IL1RAPL2: variants seen among roughly 807,000 people sequenced by gnomAD.
IL1RAPL2 encodes the protein interleukin 1 receptor accessory protein like 2.
Under a neutral mutation model 44.1 loss-of-function variants are expected in IL1RAPL2, and 3 were observed. The ratio of observed to expected loss-of-function variants is 0.07; its 90% CI spans 0.03 to 0.18. The LOEUF (loss-of-function observed/expected upper bound fraction) is 0.18. IL1RAPL2 is among the 10% of genes least tolerant of loss of function. The pLI, the probability that IL1RAPL2 is intolerant of heterozygous loss-of-function variation, is 1.00. For synonymous variants in IL1RAPL2, 181 were observed against 178.8 expected (o/e 1.01, Z -0.10); for missense variants, 391 against 496.4 (o/e 0.79, Z 2.02).
At chrX:104,721,729 C>A (rs1931680270) in intron 2 of IL1RAPL2, among the ~76,000 whole-genome samples, 1 of 110,864 alleles carries the variant, frequency 9.0e-6, no homozygotes, top group Admixed American at 9.6e-5. Flanking sequence ...AATAGAATAC[C>A]TATACAAAGA....
At chrX:105,660,651 GT>G (rs1184826383) in intron 6 of IL1RAPL2, among the ~76,000 whole-genome samples, 2 of 111,583 alleles carry the variant, frequency 1.8e-5, no homozygotes, top group African/African-American at 6.5e-5. Flanking sequence ...AAAGTGTAGA[GT>G]TTTTAGTAGT....
At chrX:104,716,492 A>G (rs1931568991) in intron 2 of IL1RAPL2, among the ~76,000 whole-genome samples, 1 of 111,667 alleles carries the variant, frequency 9.0e-6, no homozygotes, top group South Asian at 3.7e-4. Context: ...GTAAACAGAT[A>G]ATCTATGGAA....
At chrX:105,656,827 CAAG>C (rs2037680820) in intron 6 of IL1RAPL2, among the ~76,000 whole-genome samples, 1 of 111,991 alleles carries the variant, frequency 8.9e-6, no homozygotes, top group Non-Finnish European at 1.9e-5. Context: ...TTTAGCTGCA[CAAG>C]AAGCACATAT....
chrX:105,443,523 G>A (rs1472945122), intron 5 of IL1RAPL2, among the ~76,000 whole-genome samples: 1 of 111,195 alleles, frequency 9.0e-6, no homozygotes, highest in East Asian at 2.8e-4. Context: ...CTAGCCTCTC[G>A]TAACCATACT....
chrX:105,537,591 A>G (rs1390210587), intron 6 of IL1RAPL2, among the ~76,000 whole-genome samples: 2 of 111,995 alleles, frequency 1.8e-5, no homozygotes, highest in Non-Finnish European at 3.8e-5. Context: ...TGAACATTCA[A>G]TCAATACTGC....
chrX:105,351,084 C>T (rs896052517), intron 5 of IL1RAPL2, among the ~76,000 whole-genome samples: 7 of 111,783 alleles, frequency 6.3e-5, no homozygotes, highest in Admixed American at 2.9e-4. Flanking sequence ...TACCATCCCA[C>T]GCCAGTTAGA....
At chrX:105,456,707 A>G (rs2147764429) in intron 5 of IL1RAPL2, among the ~76,000 whole-genome samples, 1 of 110,871 alleles carries the variant, frequency 9.0e-6, no homozygotes, top group East Asian at 2.8e-4. Context: ...ATAATTTTCC[A>G]TCCTAGTATT....
At chrX:105,213,680 A>G (rs1294559807) in intron 3 of IL1RAPL2, among the ~76,000 whole-genome samples, 1 of 111,055 alleles carries the variant, frequency 9.0e-6, no homozygotes, top group Non-Finnish European at 1.9e-5. Context: ...TAATCGTCAG[A>G]TTCTCCAAGG....
chrX:105,747,547 CACACATATAT>C (rs1415742741), intron 8 of IL1RAPL2, among the ~76,000 whole-genome samples: 28 of 99,425 alleles, frequency 2.8e-4, no homozygotes, highest in African/African-American at 7.1e-4. Flanking sequence ...CACACACACA[CACACATATAT>C]ACACACATAT....
chrX:104,674,220 A>G (rs894355692), intron 2 of IL1RAPL2, among the ~76,000 whole-genome samples: 2 of 111,927 alleles, frequency 1.8e-5, no homozygotes, highest in African/African-American at 6.5e-5. Context: ...ATTCAGTATG[A>G]TATCGGCTGT....
chrX:104,797,589 A>C (rs1457208436), intron 2 of IL1RAPL2, among the ~76,000 whole-genome samples: 1 of 111,888 alleles, frequency 8.9e-6, no homozygotes, highest in Non-Finnish European at 1.9e-5. Flanking sequence ...GCATTTCATA[A>C]ACTTATTTCC....
intron 5 of IL1RAPL2, among the ~76,000 whole-genome samples, chrX:105,455,969 A>G (rs112597059): frequency 8.9e-5 from 10 of 111,833 alleles, no homozygotes; most frequent in African/African-American, 3.2e-4. Context: ...AATGTTTCCC[A>G]TTTGTTTGTG....
intron 2 of IL1RAPL2, among the ~76,000 whole-genome samples, chrX:104,740,508 C>A (rs775312626): frequency 9.0e-6 from 1 of 110,799 alleles, no homozygotes; most frequent in African/African-American, 3.3e-5. Context: ...ATAACCTGAG[C>A]TTTAATGGAA....
chrX:105,095,184 C>T (rs2032590102), intron 2 of IL1RAPL2, among the ~76,000 whole-genome samples: 1 of 111,029 alleles, frequency 9.0e-6, no homozygotes, highest in Non-Finnish European at 1.9e-5. Flanking sequence ...TGCCTGTCAC[C>T]CTGTACCTCC....
intron 2 of IL1RAPL2, among the ~76,000 whole-genome samples, chrX:105,108,468 C>CTG (rs1235642521): frequency 1.9e-5 from 2 of 106,497 alleles, no homozygotes; most frequent in African/African-American, 6.9e-5. Flanking sequence ...GTAGCTGGGA[C>CTG]TACAGGCCTG....
chrX:105,561,832 G>T (rs747772564), intron 6 of IL1RAPL2, among the ~76,000 whole-genome samples: 1 of 111,918 alleles, frequency 8.9e-6, no homozygotes, highest in Non-Finnish European at 1.9e-5. Flanking sequence ...AAGCAGGGAA[G>T]CTTTGTGGAC....
intron 5 of IL1RAPL2, among the ~76,000 whole-genome samples, chrX:105,363,288 TAATA>T (rs1336935251): frequency 1.4e-5 from 1 of 71,170 alleles, no homozygotes; most frequent in Non-Finnish European, 2.4e-5. Flanking sequence ...TATATATATA[TAATA>T]TATATATATA....
At chrX:105,059,921 G>A (rs1252648776) in intron 2 of IL1RAPL2, among the ~76,000 whole-genome samples, 1 of 112,359 alleles carries the variant, frequency 8.9e-6, no homozygotes, top group Admixed American at 9.4e-5. Flanking sequence ...ACGTGGGAAT[G>A]CAGATATCTC....
intron 5 of IL1RAPL2, among the ~76,000 whole-genome samples, chrX:105,325,700 A>T (rs1474123916): frequency 9.2e-6 from 1 of 108,964 alleles, no homozygotes; most frequent in Non-Finnish European, 1.9e-5. Context: ...CTAACAATGT[A>T]TGAGGGTTCC....
Sources: gnomAD v4.1 joint callset for allele counts (sites outside exome capture counted in the v4.1 genomes callset) on GRCh38, gnomAD v4.1.1 for gene constraint, MANE v1.5 for transcripts, NCBI Gene and HGNC (gene_info 2026-07-23, HGNC 2026-07-21) for gene names.